The following SAP30 variants were observed in gnomAD, a reference collection of about 807,000 sequenced individuals.
The protein encoded by SAP30 is histone deacetylase complex subunit SAP30.
In SAP30, 13 loss-of-function variants were observed where a neutral mutation model predicts 19.6. That is an observed-to-expected ratio of 0.66 (90% CI 0.43 to 1.05). The LOEUF (loss-of-function observed/expected upper bound fraction) is 1.05, where lower values mean the gene tolerates loss of function less well. Among genes scored for constraint, SAP30 ranks in the 50% least tolerant of loss-of-function variants. The probability of loss-of-function intolerance (pLI) is 0.00; values close to 1 mark genes in which losing one functional copy is unlikely to be tolerated. For synonymous variants in SAP30, 108 were observed against 122.7 expected (o/e 0.88, Z 0.79); for missense variants, 257 against 292.1 (o/e 0.88, Z 0.88).
chr4:173,371,528 C>A lies in SAP30; in HGVS notation c.315+31C>A. 2 of 1,567,386 alleles carry A rather than the reference C, an allele frequency of 1.3e-6. No homozygotes were observed. Among genetic ancestry groups the A allele is most frequent in the African/African-American group, 1.4e-5 (1 of 73,262 alleles). ...TAAACCGCGGGACCGCCCTGCCCTC[C>A]CGCCCCTCGGTGGGGCCCCAGGAGC... is the stretch of plus-strand genomic sequence containing the variant. On this transcript the variant is annotated intron_variant, in intron 1 of 3. Coordinates refer to ENST00000296504, the MANE Select transcript of SAP30 (RefSeq NM_003864.4). The surrounding 1 kb of genome is among the most constrained non-coding windows in gnomAD (Gnocchi z 6.4).
chr4:173,374,004 C>T lies in SAP30; in HGVS notation c.507C>T (p.Thr169=). The change falls in exon 3 of 4, where the codon ACC becomes ACT. Residue 169 remains threonine, a synonymous_variant. Coordinates refer to ENST00000296504, the MANE Select transcript of SAP30 (RefSeq NM_003864.4). ...ACAAAAGACACTTCAAGCTACCAAC[C>T]AGACCAGGACTTAATAAAGCACAAC... The part of the protein sequence containing the change: ...RRYKRHFKLP[T]RPGLNKAQLV... The T allele has an allele frequency of 3.1e-6, 5 of 1,600,142 alleles. No individual in the cohort carries two copies. The South Asian group carries it at 4.5e-5, about 14-fold the overall frequency.
At chr4:173,374,108 T>A in intron 3 of SAP30, 71 bp downstream of exon 3, 1 of 785,422 alleles carries the variant, frequency 1.3e-6, no homozygotes, top group Non-Finnish European at 2.1e-6. Flanking sequence ...ATGGAAGTTT[T>A]AATGTAGTGT....
chr4:173,373,910 A>C, intron 2 of SAP30, 29 bp from the exon 3 acceptor site: 3 of 1,078,644 alleles, frequency 2.8e-6, no homozygotes, highest in Non-Finnish European at 4.1e-6. Context: ...AATTGTATGA[A>C]CTCATTTATA....
chr4:173,375,182 T>A (rs1175039025), intron 3 of SAP30, among the ~76,000 whole-genome samples: 1 of 151,798 alleles, frequency 6.6e-6, no homozygotes, highest in Non-Finnish European at 1.5e-5. Context: ...AAAATAGAAG[T>A]GTAGAAATAT....
At chr4:173,375,642 T>A (rs1261091331) in intron 3 of SAP30, among the ~76,000 whole-genome samples, 1 of 152,222 alleles carries the variant, frequency 6.6e-6, no homozygotes, top group Non-Finnish European at 1.5e-5. Flanking sequence ...TCCAGAGCTA[T>A]TTTCTTTTTT....
At chr4:173,372,091 A>G (rs546004165) in intron 1 of SAP30, among the ~76,000 whole-genome samples, 3 of 152,212 alleles carry the variant, frequency 2.0e-5, no homozygotes, top group African/African-American at 7.2e-5. Flanking sequence ...GAGGGCAGCT[A>G]CTCCGATGGT....
intron 1 of SAP30, among the ~76,000 whole-genome samples, chr4:173,372,016 A>G (rs1049557883): frequency 1.3e-5 from 2 of 152,220 alleles, no homozygotes; most frequent in Non-Finnish European, 2.9e-5. Context: ...GTGAGAGGGA[A>G]GCCGAGCTCA....
In SAP30 at chr4:173,371,561, A is replaced by C; in HGVS notation, c.315+64A>C. The C allele has an allele frequency of 1.3e-6, 2 of 1,539,328 alleles. No homozygotes were observed. Among genetic ancestry groups the C allele is most frequent in the Non-Finnish European group, 1.7e-6 (2 of 1,144,346 alleles). On this transcript the variant is annotated intron_variant, in intron 1 of 3. Coordinates refer to ENST00000296504, the MANE Select transcript of SAP30 (RefSeq NM_003864.4). The surrounding 1 kb of genome is among the most constrained non-coding windows in gnomAD (Gnocchi z 6.4). ...CGGTGGGGCCCCAGGAGCCGGGCAA[A>C]GGCACGGGTTGTCGGCGGGGTCCCC... is the stretch of plus-strand genomic sequence containing the variant.
intron 2 of SAP30, among the ~76,000 whole-genome samples, 183 bp downstream of exon 2, chr4:173,373,698 C>A (rs1210854943): frequency 6.6e-6 from 1 of 152,128 alleles, no homozygotes; most frequent in Non-Finnish European, 1.5e-5. Context: ...TTTAGATTGA[C>A]AATTTTTGCA....
chr4:173,373,801 A>G (rs1738992244), intron 2 of SAP30, 138 bp from the exon 3 acceptor site: 3 of 477,442 alleles, frequency 6.3e-6, no homozygotes, highest in African/African-American at 2.1e-5. Flanking sequence ...ATGTTGGATT[A>G]TATAAATTTT....
intron 1 of SAP30, among the ~76,000 whole-genome samples, chr4:173,372,170 C>T (rs1578950890): frequency 6.6e-6 from 1 of 152,218 alleles, no homozygotes; most frequent in Non-Finnish European, 1.5e-5. Context: ...CACGTCTTTT[C>T]GTTTGACCAT....
At chr4:173,375,616 G>A (rs1013076719) in intron 3 of SAP30, among the ~76,000 whole-genome samples, 10 of 152,112 alleles carry the variant, frequency 6.6e-5, no homozygotes, top group Admixed American at 1.3e-4. Context: ...GACCTTCTAA[G>A]AACAGTTATA....
In SAP30 at chr4:173,371,760, C is replaced by T. The variant is rs942374463; in HGVS notation, c.315+263C>T. 2.0e-5 allele frequency among the ~76,000 whole-genome samples: 3 copies of T among 152,198 alleles called. No homozygotes were observed. Among genetic ancestry groups the T allele is most frequent in the Non-Finnish European group, 4.4e-5 (3 of 68,030 alleles). On this transcript the variant is annotated intron_variant, in intron 1 of 3. Coordinates refer to ENST00000296504, the MANE Select transcript of SAP30 (RefSeq NM_003864.4). The surrounding 1 kb of genome is among the most constrained non-coding windows in gnomAD (Gnocchi z 6.4). ...TCCCGCTGCCTGCGTCTCTCCCGCG[C>T]AGTCTTCCCTCTTCCTTCTCCTCTG...
At chr4:173,375,917 T>C (rs752196204) in intron 3 of SAP30, among the ~76,000 whole-genome samples, 16 of 152,292 alleles carry the variant, frequency 1.1e-4, no homozygotes, top group African/African-American at 3.6e-4. Context: ...CCAAACCCTC[T>C]TGTGAAGTGC....
Position 173,371,248 on chromosome 4 carries a change from G to T in SAP30, c.66G>T (p.Val22=). 1 of 1,346,952 alleles carries T rather than the reference G, an allele frequency of 7.4e-7. No individual in the cohort carries two copies. The allele number at this position is 1,346,952 out of a possible 1,614,324, so 83.4% of individuals were successfully genotyped here. The change falls in exon 1 of 4, where the codon GTG becomes GTT. Residue 22 remains valine, a synonymous_variant. Coordinates refer to ENST00000296504, the MANE Select transcript of SAP30 (RefSeq NM_003864.4). The surrounding 1 kb of genome is among the most constrained non-coding windows in gnomAD (Gnocchi z 6.4). ...GGDAAAAVAA[V]VAAAAAAASA... is the part of the protein sequence containing the mutation. ...ATGCGGCCGCCGCAGTGGCCGCAGT[G>T]GTCGCTGCCGCGGCCGCCGCCGCCT...
chr4:173,375,118 T>A (rs890300032), intron 3 of SAP30, among the ~76,000 whole-genome samples: 1 of 151,388 alleles, frequency 6.6e-6, no homozygotes, highest in East Asian at 1.9e-4. Flanking sequence ...TGAGTCACCA[T>A]GGGCAACATA....
At position 173,371,582 on chromosome 4, in the gene SAP30, TC is replaced by T. The variant is rs1006074572; in HGVS notation, c.315+90del. 68 of 1,512,210 alleles carry T rather than the reference TC, an allele frequency of 4.5e-5. No homozygotes were observed. In the African/African-American group the frequency reaches 8.7e-4, roughly 19 times the overall value. The allele number at this position is 1,512,210 out of a possible 1,614,324, so 93.7% of individuals were successfully genotyped here. On this transcript the variant is annotated intron_variant, in intron 1 of 3. Coordinates refer to ENST00000296504, the MANE Select transcript of SAP30 (RefSeq NM_003864.4). This position sits in a 1 kb window ranked among gnomAD's most constrained non-coding sequence, Gnocchi z 6.4. ...GCAAAGGCACGGGTTGTCGGCGGGG[TC>T]CCCCAGACAACCGCACTGGCTGCAG...
chr4:173,371,645 C>T lies in SAP30; in HGVS notation c.315+148C>T, dbSNP rs1198352455. The T allele has an allele frequency of 2.9e-6, 4 of 1,360,942 alleles. No homozygotes were observed. In the Admixed American group the frequency reaches 8.8e-5, roughly 30 times the overall value. 84.3% of individuals were successfully genotyped at this position (1,360,942 alleles called of 1,614,324 possible). A position where few individuals can be genotyped will look rare whatever the true frequency, so the allele number is the denominator to read the frequency against. ...GGAGTCTGTGTTTGGAAGCAAATAA[C>T]AAAGTCGCTGCAACTCCTACCGCCA... On this transcript the variant is annotated intron_variant, in intron 1 of 3. Transcript: ENST00000296504. This position sits in a 1 kb window ranked among gnomAD's most constrained non-coding sequence, Gnocchi z 6.4.
intron 2 of SAP30, among the ~76,000 whole-genome samples, 175 bp from the exon 3 acceptor site, chr4:173,373,764 C>T (rs1367250865): frequency 6.6e-6 from 1 of 151,786 alleles, no homozygotes; most frequent in South Asian, 2.1e-4. Flanking sequence ...TTATTTATCC[C>T]CAAAAGATTA....
Sources: gnomAD v4.1 joint callset for allele counts (sites outside exome capture counted in the v4.1 genomes callset) on GRCh38, gnomAD v4.1.1 for gene constraint, Gnocchi (gnomAD v3.1) non-coding constraint, MANE v1.5 for transcripts, NCBI Gene and HGNC (gene_info 2026-07-23, HGNC 2026-07-21) for gene names.